ITPK1: variants seen among roughly 807,000 people sequenced by gnomAD.
The protein encoded by ITPK1 is inositol-tetrakisphosphate 1-kinase.
Under a neutral mutation model 45.3 loss-of-function variants are expected in ITPK1, and 21 were observed. The observed-to-expected ratio is 0.46, with a 90% CI of 0.33 to 0.67. The LOEUF is 0.67. ITPK1 is among the 30% of genes least tolerant of loss of function. The probability of loss-of-function intolerance (pLI) is 0.02; values close to 1 mark genes in which losing one functional copy is unlikely to be tolerated. For synonymous variants in ITPK1, 258 were observed against 253.6 expected, an observed-to-expected ratio of 1.02 and a Z score of -0.16; for missense variants, 474 against 573.5, an observed-to-expected ratio of 0.83 and a Z score of 1.77.
intron 3 of ITPK1, among the ~76,000 whole-genome samples, chr14:93,044,712 A>G (rs548715223): frequency 9.8e-5 from 15 of 152,356 alleles, no homozygotes; most frequent in African/African-American, 3.6e-4. Context: ...GCGGACAGCA[A>G]CACGGCAGAG....
intron 5 of ITPK1, 109 bp from the exon 6 acceptor site, chr14:92,962,958 T>C (rs932050347): frequency 1.5e-6 from 1 of 658,506 alleles, no homozygotes; most frequent in Non-Finnish European, 2.6e-6. Flanking sequence ...CCCACGCTCC[T>C]GGATCTGACC....
In ITPK1 at chr14:93,035,114, C is replaced by G. The variant is rs1202190861; in HGVS notation, c.121-18313G>C. On this transcript the variant is annotated intron_variant, in intron 3 of 10. Coordinates refer to ENST00000267615, the MANE Select transcript of ITPK1 (RefSeq NM_014216.6). ...ACCCCCTCTGAAACACACAGATGAG[C>G]TCACCTGAGCTCTCAGCTCACTAGG... Among the ~76,000 whole-genome samples, 3 of 152,258 alleles carry G rather than the reference C, an allele frequency of 2.0e-5. No individual in the cohort carries two copies. The East Asian group carries it at 5.8e-4, about 29-fold the overall frequency.
chr14:93,094,658 G>A (rs556660755), intron 2 of ITPK1, among the ~76,000 whole-genome samples: 6 of 152,296 alleles, frequency 3.9e-5, no homozygotes, highest in Admixed American at 3.3e-4. Context: ...GCCCCAAGCC[G>A]GTGAGCCCAC....
rs1250598400 is a variant in ITPK1, at chr14:92,958,186, G to A, written c.670+15C>T. 1.2e-6 allele frequency: 2 copies of A among 1,613,706 alleles called. No individual in the cohort carries two copies. The highest frequency in any genetic ancestry group is 1.7e-6 in the Non-Finnish European group (2 of 1,179,746). On this transcript the variant is annotated intron_variant, in intron 8 of 10. Transcript: ENST00000267615. This position sits in a 1 kb window ranked among gnomAD's most constrained non-coding sequence, Gnocchi z 4.4. ...TGAGTCTTGCTCAGCCCAAGATGGT[G>A]AGAAGAGCAGTTACCTGATGTGCCT...
chr14:93,018,542 A>T (rs953333934), intron 3 of ITPK1, among the ~76,000 whole-genome samples: 49 of 152,186 alleles, frequency 3.2e-4, no homozygotes, highest in African/African-American at 6.5e-4. Flanking sequence ...AGAAAAAAAA[A>T]ATATCCTTTA....
intron 5 of ITPK1, among the ~76,000 whole-genome samples, chr14:92,976,378 G>A (rs1382987934): frequency 6.6e-6 from 1 of 152,142 alleles, no homozygotes; most frequent in Admixed American, 6.5e-5. Flanking sequence ...TCTTTCTCGG[G>A]ACACACCCCT....
chr14:93,110,695 G>T (rs145117365), intron 2 of ITPK1, among the ~76,000 whole-genome samples: 1 of 152,174 alleles, frequency 6.6e-6, no homozygotes, highest in Admixed American at 6.6e-5. Flanking sequence ...CCCTTCTAAG[G>T]TATTGGGACA....
At chr14:92,944,294 T>A (rs1051796022) in intron 10 of ITPK1, among the ~76,000 whole-genome samples, 1 of 151,980 alleles carries the variant, frequency 6.6e-6, no homozygotes, top group African/African-American at 2.4e-5. Context: ...CACTGAGCTA[T>A]CTCCCGGGGA....
At chr14:93,026,395 TA>T in intron 3 of ITPK1, among the ~76,000 whole-genome samples, 2 of 152,274 alleles carry the variant, frequency 1.3e-5, no homozygotes, top group Admixed American at 1.3e-4. Context: ...ATATAAAAAT[TA>T]GAAAATACTC....
At chr14:93,000,198 G>T (rs978344098) in intron 4 of ITPK1, among the ~76,000 whole-genome samples, 2 of 152,180 alleles carry the variant, frequency 1.3e-5, no homozygotes, top group Non-Finnish European at 2.9e-5. Context: ...GAGCAATGCC[G>T]CTGTGAACAT....
intron 5 of ITPK1, among the ~76,000 whole-genome samples, chr14:92,991,968 C>G (rs1457860709): frequency 6.6e-6 from 1 of 152,184 alleles, no homozygotes; most frequent in African/African-American, 2.4e-5. Flanking sequence ...GTGGCTGAAC[C>G]AGGTATCACC....
chr14:93,092,771 C>T (rs187220449), intron 2 of ITPK1, among the ~76,000 whole-genome samples: 43 of 152,332 alleles, frequency 2.8e-4, no homozygotes, highest in African/African-American at 1.0e-3. Context: ...GCTTCCACCC[C>T]ACGACAGCCA....
chr14:93,004,333 C>G (rs3783912), intron 4 of ITPK1, among the ~76,000 whole-genome samples: 38,274 of 152,214 alleles, frequency 0.25, 5,271 homozygotes, highest in Admixed American at 0.35. Flanking sequence ...TGTGTTGAGG[C>G]CATTTCCTCA....
intron 3 of ITPK1, among the ~76,000 whole-genome samples, chr14:93,053,795 A>C (rs1890116858): frequency 6.6e-6 from 1 of 152,170 alleles, no homozygotes; most frequent in Non-Finnish European, 1.5e-5. Context: ...GTGAACCCAA[A>C]ACTGCTCTAA....
rs544200128 is a variant in ITPK1 at position 92,984,413 on chromosome 14, T to C, written c.364+9467A>G. On this transcript the variant is annotated intron_variant, in intron 5 of 10. Coordinates refer to ENST00000267615, the MANE Select transcript of ITPK1 (RefSeq NM_014216.6). ...ATTCTGCAGAACTTCACTGATTCTA[T>C]GGCATGTTTTTCATATTTTCCATCT... is the stretch of plus-strand genomic sequence containing the variant. 5.9e-5 allele frequency among the ~76,000 whole-genome samples: 9 copies of C among 152,360 alleles called. No individual in the cohort carries two copies. The East Asian group carries it at 1.5e-3, about 26-fold the overall frequency.
At chr14:93,007,162 G>A (rs1887656922) in intron 4 of ITPK1, among the ~76,000 whole-genome samples, 1 of 152,190 alleles carries the variant, frequency 6.6e-6, no homozygotes, top group African/African-American at 2.4e-5. Flanking sequence ...GTCACACGGA[G>A]CTGGGTTCCA....
chr14:92,964,194 G>A (rs992064972), intron 5 of ITPK1, among the ~76,000 whole-genome samples: 3 of 152,182 alleles, frequency 2.0e-5, no homozygotes, highest in African/African-American at 7.2e-5. Context: ...AGTTTCTCTG[G>A]GGCACTGGGA....
In ITPK1 at chr14:92,938,393, G is replaced by T; in HGVS notation, c.*3168C>A. ...GGTCTTCCAGGCTAGAAGGACAAAC[G>T]ACAGGCTGGCTCCCTTGGTCTTGGG... is the stretch of plus-strand genomic sequence containing the variant. On this transcript the variant is annotated 3_prime_UTR_variant, in exon 11 of 11. Transcript: ENST00000267615. 1 of 1,017,372 alleles carries T rather than the reference G, an allele frequency of 9.8e-7. No homozygotes were observed. Among genetic ancestry groups the T allele is most frequent in the Non-Finnish European group, 1.6e-6 (1 of 640,938 alleles). 63.0% of individuals were successfully genotyped at this position (1,017,372 alleles called of 1,614,324 possible).
At chr14:93,095,566 C>T (rs868313258) in intron 2 of ITPK1, among the ~76,000 whole-genome samples, 1 of 133,220 alleles carries the variant, frequency 7.5e-6, no homozygotes, top group South Asian at 2.5e-4. Flanking sequence ...CCTAGAGTCA[C>T]GGACTAGGTT....
Sources: allele counts gnomAD v4.1 joint callset (sites outside exome capture counted in the v4.1 genomes callset), GRCh38; gene constraint gnomAD v4.1.1; non-coding constraint Gnocchi (gnomAD v3.1); transcripts MANE v1.5; gene names NCBI Gene and HGNC (gene_info 2026-07-23, HGNC 2026-07-21).